Variants in CDC42BPA observed in about 807,000 individuals in gnomAD.
CDC42BPA encodes CDC42 binding protein kinase alpha.
Under a neutral mutation model 223.5 loss-of-function variants are expected in CDC42BPA, and 80 were observed. The observed-to-expected ratio is 0.36, with a 90% CI of 0.30 to 0.43. The LOEUF (loss-of-function observed/expected upper bound fraction) is 0.43. CDC42BPA is among the 20% of genes least tolerant of loss of function. The pLI is 1.00. For missense variants in CDC42BPA, 1,743 were observed against 2,099.9 expected (o/e 0.83, Z 3.32); for synonymous variants, 694 against 718.6 (o/e 0.97, Z 0.55).
chr1:227,276,392 C>A (rs1020004709), intron 1 of CDC42BPA, among the ~76,000 whole-genome samples: 2 of 151,434 alleles, frequency 1.3e-5, no homozygotes, highest in African/African-American at 4.9e-5. Context: ...CCAGCAGCCG[C>A]CCCGTCTGGG....
intron 12 of CDC42BPA, among the ~76,000 whole-genome samples, chr1:227,114,701 C>T (rs1687500329): frequency 6.6e-6 from 1 of 152,020 alleles, no homozygotes; most frequent in African/African-American, 2.4e-5. Flanking sequence ...AAATCCAAAA[C>T]ATTTTGAGTG....
chr1:227,182,178 C>T (rs1400342019), intron 5 of CDC42BPA, among the ~76,000 whole-genome samples: 2 of 152,162 alleles, frequency 1.3e-5, no homozygotes, highest in Non-Finnish European at 2.9e-5. Context: ...CTCATCGGTC[C>T]TGCACTCTCT....
At chr1:227,154,816 T>C (rs1662422996) in intron 6 of CDC42BPA, among the ~76,000 whole-genome samples, 1 of 151,984 alleles carries the variant, frequency 6.6e-6, no homozygotes, top group Non-Finnish European at 1.5e-5. Flanking sequence ...TCAAAGCAGG[T>C]CTTAAATACA....
intron 5 of CDC42BPA, among the ~76,000 whole-genome samples, chr1:227,161,715 G>C (rs541244700): frequency 5.3e-5 from 8 of 152,282 alleles, no homozygotes; most frequent in African/African-American, 1.7e-4. Context: ...ATTCATTTAG[G>C]TATTGCCTAT....
intron 16 of CDC42BPA, among the ~76,000 whole-genome samples, chr1:227,091,165 C>T (rs1456546129): frequency 6.6e-6 from 1 of 151,938 alleles, no homozygotes; most frequent in Non-Finnish European, 1.5e-5. Flanking sequence ...TTAACTTGGC[C>T]TGAACTTATT....
chr1:227,056,250 G>T lies in CDC42BPA; in HGVS notation c.2905-4265C>A, dbSNP rs143445606. On this transcript the variant is annotated intron_variant, in intron 21 of 36. Transcript: ENST00000366766. ...AACAACCCCTCTCATAAGAAACCTT[G>T]CTTCAAAGTAAAAAACACCAAGATG... 9.2e-4 allele frequency among the ~76,000 whole-genome samples: 140 copies of T among 152,110 alleles called. 1 individual carries two copies. Among genetic ancestry groups the T allele is most frequent in the African/African-American group, 3.0e-3 (126 of 41,490 alleles).
chr1:227,233,536 G>A (rs2148013724), intron 2 of CDC42BPA, among the ~76,000 whole-genome samples: 2 of 152,202 alleles, frequency 1.3e-5, no homozygotes, highest in East Asian at 3.9e-4. Flanking sequence ...CTGAGTTCTT[G>A]TAACATATAC....
At chr1:227,220,438 T>A (rs57276421) in intron 2 of CDC42BPA, among the ~76,000 whole-genome samples, 23,267 of 150,562 alleles carry the variant, frequency 0.15, 2,224 homozygotes, top group African/African-American at 0.25. Context: ...TTATTGCTTT[T>A]TATTTCCATA....
At chr1:227,045,050 T>C (rs776791116) in intron 23 of CDC42BPA, among the ~76,000 whole-genome samples, 12 of 152,154 alleles carry the variant, frequency 7.9e-5, no homozygotes, top group Non-Finnish European at 1.6e-4. Context: ...AGCCCTCTGG[T>C]TTCCTATTCC....
At chr1:227,169,134 T>C (rs1450026976) in intron 5 of CDC42BPA, among the ~76,000 whole-genome samples, 1 of 152,212 alleles carries the variant, frequency 6.6e-6, no homozygotes, top group East Asian at 1.9e-4. Context: ...TTGTTTCTAG[T>C]TCTGTGCTGA....
At chr1:227,011,182 A>C (rs921723194) in intron 34 of CDC42BPA, 1 of 336,878 alleles carries the variant, frequency 3.0e-6, no homozygotes, top group East Asian at 1.4e-4. Flanking sequence ...CTGAATCCTT[A>C]ATGAAATACT....
intron 1 of CDC42BPA, among the ~76,000 whole-genome samples, chr1:227,293,160 A>G (rs1357962827): frequency 6.6e-6 from 1 of 152,228 alleles, no homozygotes; most frequent in Non-Finnish European, 1.5e-5. Flanking sequence ...CAATACACCA[A>G]GCACTTATGT....
At position 227,284,920 on chromosome 1, in the gene CDC42BPA, CCACTGCAATCTGTCA is replaced by C. The variant is rs1177642711; in HGVS notation, c.179-30780_179-30766del. Among the ~76,000 whole-genome samples, 119 of 147,580 alleles carry C rather than the reference CCACTGCAATCTGTCA, an allele frequency of 8.1e-4. 1 individual carries two copies. The highest frequency in any genetic ancestry group is 2.9e-3 in the African/African-American group (117 of 40,348). On this transcript the variant is annotated intron_variant, in intron 1 of 36. Coordinates refer to ENST00000366766, the MANE Select transcript of CDC42BPA (RefSeq NM_001394014.1). Reference sequence around the variant, plus strand: ...AAGGCTGCAGTTACCCAAGGTTGTGCCACTGCAATCTGTCACTGGGTGACAGAGTGAGACCCCATC... The same window carrying C: ...AAGGCTGCAGTTACCCAAGGTTGTGCCTGGGTGACAGAGTGAGACCCCATC...
intron 22 of CDC42BPA, 23 bp from the exon 23 acceptor site, chr1:227,048,033 A>C: frequency 7.0e-7 from 1 of 1,434,748 alleles, no homozygotes; most frequent in Non-Finnish European, 9.7e-7. Flanking sequence ...GCAAAAAAGG[A>C]AATAAATGTC....
intron 3 of CDC42BPA, among the ~76,000 whole-genome samples, chr1:227,202,638 T>C (rs1391970026): frequency 1.3e-5 from 2 of 151,630 alleles, no homozygotes; most frequent in African/African-American, 4.8e-5. Context: ...ATAAAAATAA[T>C]AGGCCAGGAG....
chr1:227,102,983 A>G (rs1247961271), intron 14 of CDC42BPA, among the ~76,000 whole-genome samples: 1 of 152,074 alleles, frequency 6.6e-6, no homozygotes, highest in Non-Finnish European at 1.5e-5. Flanking sequence ...AAAACCAGTA[A>G]TTCTTTTAAT....
At chr1:227,253,039 G>A (rs1219433331) in intron 2 of CDC42BPA, among the ~76,000 whole-genome samples, 1 of 152,166 alleles carries the variant, frequency 6.6e-6, no homozygotes, top group East Asian at 1.9e-4. Context: ...AAACGGTATT[G>A]AGATAAATTT....
chr1:227,029,184 A>ACAAG lies in CDC42BPA; in HGVS notation c.3901_3904dup (p.Val1302AlafsTer34). ...ACGATTTCGTCCTGAGATCACAGCA[A>ACAAG]CAAGCTGATCATTTGGAATGAGTTC... On this transcript the variant is annotated frameshift_variant, in exon 30 of 37. Transcript: ENST00000366766. LOFTEE classifies it high-confidence loss of function. The ACAAG allele has an allele frequency of 6.2e-7, 1 of 1,601,882 alleles. No homozygotes were observed. Among genetic ancestry groups the ACAAG allele is most frequent in the Non-Finnish European group, 8.5e-7 (1 of 1,179,896 alleles).
At chr1:227,177,722 G>A (rs903588041) in intron 5 of CDC42BPA, among the ~76,000 whole-genome samples, 3 of 152,156 alleles carry the variant, frequency 2.0e-5, no homozygotes, top group Non-Finnish European at 4.4e-5. Context: ...AACATGGGAA[G>A]TTTGGAGCTA....
Sources: gnomAD v4.1 joint callset for allele counts (sites outside exome capture counted in the v4.1 genomes callset) on GRCh38, gnomAD v4.1.1 for gene constraint, MANE v1.5 for transcripts, NCBI Gene and HGNC (gene_info 2026-07-23, HGNC 2026-07-21) for gene names.